Variants in GATA4 observed in about 807,000 individuals in gnomAD.
GATA4 encodes GATA binding protein 4, also known as transcription factor GATA-4.
In GATA4, 7 loss-of-function variants were observed where a neutral mutation model predicts 37.9. The ratio of observed to expected loss-of-function variants is 0.18; its 90% CI spans 0.11 to 0.35. GATA4 has a LOEUF of 0.35. GATA4 is among the 10% of genes least tolerant of loss of function. The pLI is 1.00. For missense variants in GATA4, 647 were observed against 653.0 expected (o/e 0.99, Z 0.10); for synonymous variants, 372 against 292.6 (o/e 1.27, Z -2.77).
At chr8:11,734,779 C>T (rs973987511) in intron 2 of GATA4, among the ~76,000 whole-genome samples, 4 of 152,156 alleles carry the variant, frequency 2.6e-5, no homozygotes, top group Non-Finnish European at 2.9e-5. Flanking sequence ...AGTGAGCCAC[C>T]GTGCCCAGCC....
chr8:11,743,577 C>T (rs2130278839), intron 2 of GATA4, among the ~76,000 whole-genome samples: 1 of 152,346 alleles, frequency 6.6e-6, no homozygotes, highest in African/African-American at 2.4e-5. Flanking sequence ...GAACCGTGAC[C>T]CTGGCCTCTG....
Position 11,681,168 on chromosome 8 carries a change from C to G in GATA4, c.-274+4105C>G, listed in dbSNP as rs548961496. The G allele has an allele frequency of 6.1e-6, 6 of 985,282 alleles. No individual in the cohort carries two copies. The South Asian group carries it at 2.8e-4, about 46-fold the overall frequency. The allele number at this position is 985,282 out of a possible 1,614,324, so 61.0% of individuals were successfully genotyped here. ...CTCCAGCTCCGTTCTGTTCGCAGAA[C>G]CTTCGGGGGTTAGTCACAGGCCCTG... On this transcript the variant is annotated intron_variant, in intron 1 of 6. Coordinates refer to the GATA4 transcript ENST00000528712.
At chr8:11,686,432 T>G (rs184275551) in intron 1 of GATA4, among the ~76,000 whole-genome samples, 178 of 152,314 alleles carry the variant, frequency 1.2e-3, no homozygotes, top group African/African-American at 4.0e-3. Flanking sequence ...GAGGTTGGCC[T>G]TCGTTGGTTG....
In GATA4 at chr8:11,749,117, A is replaced by G; in HGVS notation, c.786+32A>G. On this transcript the variant is annotated intron_variant, in intron 3 of 6. Transcript: ENST00000532059. The surrounding 1 kb of genome is among the most constrained non-coding windows in gnomAD (Gnocchi z 4.6). The stretch of plus-strand genomic sequence containing the variant: ...ACGTGCCTCGCAGCCTCCTCTGGGC[A>G]CCTGGCTGCGGAGCTCTCGCCTTGG... The G allele has an allele frequency of 6.2e-7, 1 of 1,611,406 alleles. No individual in the cohort carries two copies. The highest frequency in any genetic ancestry group is 1.7e-4 in the Middle Eastern group (1 of 6,046).
At chr8:11,742,801 A>G (rs952514946) in intron 2 of GATA4, among the ~76,000 whole-genome samples, 2 of 152,266 alleles carry the variant, frequency 1.3e-5, no homozygotes, top group Non-Finnish European at 2.9e-5. Flanking sequence ...CCGCAGGGAC[A>G]GATCCGGGCC....
intron 2 of GATA4, among the ~76,000 whole-genome samples, chr8:11,739,460 C>T (rs1268114698): frequency 6.8e-6 from 1 of 147,310 alleles, no homozygotes; most frequent in Non-Finnish European, 1.5e-5. Context: ...TTTAGTGCAA[C>T]GTGGTGTGAT....
Position 11,707,317 on chromosome 8 carries a change from GTTTT to G in GATA4, c.-457-528_-457-525del, listed in dbSNP as rs34913959. 1.4e-5 allele frequency among the ~76,000 whole-genome samples: 2 copies of G among 143,636 alleles called. No homozygotes were observed. Among genetic ancestry groups the G allele is most frequent in the Non-Finnish European group, 3.1e-5 (2 of 64,880 alleles). The allele number at this position is 143,636 out of a possible 152,430, so 94.2% of individuals were successfully genotyped here. On this transcript the variant is annotated intron_variant, in intron 1 of 6. Transcript: ENST00000532059. The surrounding 1 kb of genome is among the most constrained non-coding windows in gnomAD (Gnocchi z 4.7). ...TATAAACATTTGGACTCTACTTCTGGTTTTTTTTTTTTTTAATTACAAACAAAAC... is the reference window on the plus strand; with the variant it reads ...TATAAACATTTGGACTCTACTTCTGGTTTTTTTTTTAATTACAAACAAAAC...
At chr8:11,723,702 C>A (rs1800781170) in intron 2 of GATA4, among the ~76,000 whole-genome samples, 1 of 152,132 alleles carries the variant, frequency 6.6e-6, no homozygotes, top group Non-Finnish European at 1.5e-5. Flanking sequence ...CCCCTCCTAC[C>A]CCAAAGATAA....
chr8:11,726,385 G>A (rs370534428), intron 2 of GATA4, among the ~76,000 whole-genome samples: 10 of 152,174 alleles, frequency 6.6e-5, no homozygotes, highest in Non-Finnish European at 1.3e-4. Context: ...AGAGAAGAGC[G>A]CAGAAAGTTC....
At chr8:11,681,472 C>A in intron 1 of GATA4, 4 of 964,896 alleles carry the variant, frequency 4.1e-6, no homozygotes, top group Non-Finnish European at 4.9e-6. Flanking sequence ...GCCCGGTCCC[C>A]GCGCGGGGTG....
chr8:11,748,233 AG>A (rs1291463995), intron 2 of GATA4, among the ~76,000 whole-genome samples: 5 of 152,026 alleles, frequency 3.3e-5, no homozygotes, highest in Admixed American at 2.6e-4. Flanking sequence ...AGAGAAAAGA[AG>A]TCTCACAAAG....
At chr8:11,700,339 C>CCT (rs1332415787), upstream of GATA4, among the ~76,000 whole-genome samples, 1 of 152,268 alleles carries the variant, frequency 6.6e-6, no homozygotes, top group Admixed American at 6.5e-5. Flanking sequence ...TCCTTCCTCT[C>CCT]CTCTCGTCTG....
chr8:11,689,868 A>C (rs948057319), upstream of GATA4, among the ~76,000 whole-genome samples: 3 of 152,234 alleles, frequency 2.0e-5, no homozygotes, highest in Non-Finnish European at 4.4e-5. Flanking sequence ...CTTAGGAGTC[A>C]ATGTATAGAG....
chr8:11,740,694 C>A (rs1305342480), intron 2 of GATA4, among the ~76,000 whole-genome samples: 2 of 151,858 alleles, frequency 1.3e-5, no homozygotes, highest in African/African-American at 4.8e-5. Context: ...ATGTAGAGCT[C>A]ACTGCAGTCT....
chr8:11,708,006 C>T lies in GATA4; in HGVS notation c.-307C>T. The T allele has an allele frequency of 2.4e-6, 1 of 421,116 alleles. No homozygotes were observed. Among genetic ancestry groups the T allele is most frequent in the Non-Finnish European group, 4.5e-6 (1 of 224,104 alleles). 26.1% of individuals were successfully genotyped at this position (421,116 alleles called of 1,614,324 possible). A position where few individuals can be genotyped will look rare whatever the true frequency, so the allele number is the denominator to read the frequency against. On this transcript the variant is annotated 5_prime_UTR_variant, in exon 2 of 7. Transcript: ENST00000532059. This position sits in a 1 kb window ranked among gnomAD's most constrained non-coding sequence, Gnocchi z 6.7. Reference sequence around the variant, plus strand: ...CTGGACGCTGCCCTCCGTCTTCTGCCCCCAATAGGTGCGCCGGACCTTCAG... The same window carrying T: ...CTGGACGCTGCCCTCCGTCTTCTGCTCCCAATAGGTGCGCCGGACCTTCAG...
intron 1 of GATA4, chr8:11,680,934 A>C (rs1324209777): frequency 3.0e-6 from 3 of 985,256 alleles, no homozygotes; most frequent in Admixed American, 6.2e-5. Context: ...GTGTTTCATC[A>C]AAATGGTCAC....
At chr8:11,735,336 A>C (rs879762796) in intron 2 of GATA4, among the ~76,000 whole-genome samples, 5 of 152,236 alleles carry the variant, frequency 3.3e-5, no homozygotes, top group Non-Finnish European at 7.3e-5. Context: ...AATTGGAAGG[A>C]TATACACTAA....
intron 1 of GATA4, among the ~76,000 whole-genome samples, chr8:11,698,868 C>T (rs1799584674): frequency 6.6e-6 from 1 of 152,144 alleles, no homozygotes; most frequent in Admixed American, 6.5e-5. Flanking sequence ...AGCAGCTCCA[C>T]AGGCAGATGA....
At chr8:11,695,426 T>G (rs1799476510) in intron 1 of GATA4, among the ~76,000 whole-genome samples, 2 of 151,878 alleles carry the variant, frequency 1.3e-5, no homozygotes, top group South Asian at 2.1e-4. Flanking sequence ...ATAAATAAAA[T>G]AAATAAGAGC....
Sources: allele counts gnomAD v4.1 joint callset (sites outside exome capture counted in the v4.1 genomes callset), GRCh38; gene constraint gnomAD v4.1.1; non-coding constraint Gnocchi (gnomAD v3.1); transcripts MANE v1.5; gene names NCBI Gene and HGNC (gene_info 2026-07-23, HGNC 2026-07-21).